Variants in DNMT3B observed in about 807,000 individuals in gnomAD.
The protein encoded by DNMT3B is DNA methyltransferase 3 beta, also known as DNA (cytosine-5)-methyltransferase 3B.
Under a neutral mutation model 120.2 loss-of-function variants are expected in DNMT3B, and 37 were observed. The ratio of observed to expected loss-of-function variants is 0.31; its 90% CI spans 0.24 to 0.40. The LOEUF (loss-of-function observed/expected upper bound fraction) is 0.40, where lower values mean the gene tolerates loss of function less well. DNMT3B is among the 10% of genes least tolerant of loss of function. The pLI, the probability that DNMT3B is intolerant of heterozygous loss-of-function variation, is 1.00. For synonymous variants in DNMT3B, 412 were observed against 442.8 expected (o/e 0.93, Z 0.87); for missense variants, 878 against 1,137.3 (o/e 0.77, Z 3.28).
At chr20:32,800,798 TCCACA>T (rs1568858342) in intron 17 of DNMT3B, 32 bp from the exon 18 acceptor site, 1 of 1,607,054 alleles carries the variant, frequency 6.2e-7, no homozygotes, top group South Asian at 1.1e-5. Context: ...TTTCCCTCTG[TCCACA>T]CCCTCATCCT....
intron 14 of DNMT3B, among the ~76,000 whole-genome samples, 166 bp from the exon 15 acceptor site, chr20:32,798,294 T>G (rs1980888050): frequency 6.6e-6 from 1 of 152,110 alleles, no homozygotes; most frequent in Non-Finnish European, 1.5e-5. Context: ...AAGGAAGACG[T>G]CAGGGAAGCC....
At chr20:32,800,074 A>C (rs1981138190) in intron 16 of DNMT3B, 79 bp from the exon 17 acceptor site, 2 of 1,590,372 alleles carry the variant, frequency 1.3e-6, no homozygotes, top group South Asian at 1.1e-5. Context: ...TGTTCATTTT[A>C]CCATAGCAGG....
rs545117209 is a variant in DNMT3B, at chr20:32,799,940, A to C, written c.1760-213A>C. Among the ~76,000 whole-genome samples, 4 of 152,368 alleles carry C rather than the reference A, an allele frequency of 2.6e-5. No individual in the cohort carries two copies. The East Asian group carries it at 7.7e-4, about 29-fold the overall frequency. ...TATAATTGGAGATAAACTAGTTAACAACTACTGCTACCTCTGGTTTTGGTT... is the reference window on the plus strand; with the variant it reads ...TATAATTGGAGATAAACTAGTTAACCACTACTGCTACCTCTGGTTTTGGTT... On this transcript the variant is annotated intron_variant, in intron 16 of 22. Transcript: ENST00000328111.
intron 16 of DNMT3B, 138 bp from the exon 17 acceptor site, chr20:32,800,015 G>A (rs543346570): frequency 3.5e-4 from 448 of 1,276,204 alleles, no homozygotes; most frequent in Non-Finnish European, 4.5e-4. Flanking sequence ...TGTGTGGTGC[G>A]TGTACAGCCT....
At chr20:32,786,476 C>T (rs771101384) in intron 4 of DNMT3B, 26 bp from the exon 5 acceptor site, 2 of 1,613,914 alleles carry the variant, frequency 1.2e-6, no homozygotes, top group Non-Finnish European at 1.7e-6. Context: ...ACCTAAGGCC[C>T]AGTGAGTGTC....
At chr20:32,763,036 G>A (rs1386209422) in intron 1 of DNMT3B, among the ~76,000 whole-genome samples, 1 of 152,104 alleles carries the variant, frequency 6.6e-6, no homozygotes, top group Non-Finnish European at 1.5e-5. Context: ...CTGGCTTCCC[G>A]GGGTCCAGAC....
intron 3 of DNMT3B, among the ~76,000 whole-genome samples, chr20:32,783,484 A>G (rs751090067): frequency 4.6e-5 from 7 of 151,346 alleles, no homozygotes; most frequent in Non-Finnish European, 7.4e-5. Context: ...GAGTTTGTCA[A>G]TTGGGTTGGT....
At position 32,787,425 on chromosome 20, in the gene DNMT3B, G is replaced by A; in HGVS notation, c.628G>A (p.Gly210Arg). 1 of 1,614,170 alleles carries A rather than the reference G, an allele frequency of 6.2e-7. No individual in the cohort carries two copies. The highest frequency in any genetic ancestry group is 8.5e-7 in the Non-Finnish European group (1 of 1,180,038). ...GTCCCCGCAGGTGGAGGCAGACAGT[G>A]GAGATGGAGACAGTTCAGAGTATCA... ...MESPQVEADS[G>R]DGDSSEYQDG... is the part of the protein sequence containing the mutation. Residue 210 changes from glycine (G) to arginine (R), a missense_variant, in exon 6 of 23, where the codon GGA (glycine) becomes AGA (arginine). Transcript: ENST00000328111.
At chr20:32,783,995 C>T (rs913050728) in intron 3 of DNMT3B, among the ~76,000 whole-genome samples, 2 of 151,756 alleles carry the variant, frequency 1.3e-5, no homozygotes, top group African/African-American at 4.8e-5. Context: ...GCTGTAACCT[C>T]CACCTCCCAG....
rs1204333705 is a variant in DNMT3B at position 32,762,656 on chromosome 20, C to G, written c.-50C>G. 8.8e-6 allele frequency: 2 copies of G among 227,274 alleles called. No homozygotes were observed. The highest frequency in any genetic ancestry group is 1.8e-5 in the Non-Finnish European group (2 of 113,312). The allele number at this position is 227,274 out of a possible 1,614,324, so 14.1% of individuals were successfully genotyped here. A position where few individuals can be genotyped will look rare whatever the true frequency, so the allele number is the denominator to read the frequency against. On this transcript the variant is annotated 5_prime_UTR_variant, in exon 1 of 23. Coordinates refer to ENST00000328111, the MANE Select transcript of DNMT3B (RefSeq NM_006892.4). ...GGCCTCCCGCCAGCCAGCCCCGACC[C>G]GCGGCTCCGCCGCCCAGCCGCGCCC...
chr20:32,800,111 C>G (rs1177973403), intron 16 of DNMT3B, 42 bp from the exon 17 acceptor site: 1 of 1,613,692 alleles, frequency 6.2e-7, no homozygotes, highest in Admixed American at 1.7e-5. Context: ...CTGCTGTGTG[C>G]TCAGCATCAT....
intron 5 of DNMT3B, 147 bp from the exon 6 acceptor site, chr20:32,787,083 C>T (rs1357770563): frequency 3.6e-5 from 33 of 928,328 alleles, no homozygotes; most frequent in Non-Finnish European, 5.6e-5. Context: ...ATACGTGTTC[C>T]TGGAAAAGTT....
At position 32,798,642 on chromosome 20, in the gene DNMT3B, A is replaced by C; in HGVS notation, c.1673A>C (p.Tyr558Ser). 6.2e-7 allele frequency: 1 copy of C among 1,613,672 alleles called. No individual in the cohort carries two copies. Reference sequence around the variant, plus strand: ...TTCACCAGTGACACGGGGCTTGAATATGTAAGCCACAGGCTCCCGCCTCTA... The same window carrying C: ...TTCACCAGTGACACGGGGCTTGAATCTGTAAGCCACAGGCTCCCGCCTCTA... Reference protein sequence around the residue: ...AFFTSDTGLEYEAPKLYPAIP... With the variant: ...AFFTSDTGLESEAPKLYPAIP... The change falls in exon 15 of 23, where the codon TAT becomes TCT. Residue 558 changes from tyrosine (Y) to serine (S), a missense_variant and splice_region_variant. Tyr to Ser is a moderately radical substitution (Grantham distance 144). Around this residue, in one of 4 missense-constraint regions of DNMT3B, gnomAD observed 334 missense variants for 518.8 expected, o/e 0.64. Coordinates refer to ENST00000328111, the MANE Select transcript of DNMT3B (RefSeq NM_006892.4).
chr20:32,786,421 G>A (rs1979287406), intron 4 of DNMT3B, 81 bp from the exon 5 acceptor site: 2 of 1,605,544 alleles, frequency 1.2e-6, no homozygotes, highest in Admixed American at 1.7e-5. Context: ...TTGGCCACCT[G>A]AAGGCCTAAT....
At chr20:32,765,817 G>A (rs35171367) in intron 1 of DNMT3B, among the ~76,000 whole-genome samples, 10 of 142,920 alleles carry the variant, frequency 7.0e-5, no homozygotes, top group Non-Finnish European at 1.3e-4. Context: ...GTGCAGTGGC[G>A]CGATCTCCGC....
In DNMT3B at chr20:32,795,689, T is replaced by C; in HGVS notation, c.1292T>C (p.Leu431Pro). The C allele has an allele frequency of 6.2e-7, 1 of 1,614,150 alleles. No individual in the cohort carries two copies. Among genetic ancestry groups the C allele is most frequent in the African/African-American group, 1.3e-5 (1 of 75,056 alleles). Residue 431 changes from leucine to proline, a missense_variant, in exon 12 of 23, where the codon CTG becomes CCG. Coordinates refer to ENST00000328111, the MANE Select transcript of DNMT3B (RefSeq NM_006892.4). ...ASDVANNKSS[L>P]EDGCLSCGRK... ...GATGTTGCCAACAACAAGAGCAGCC[T>C]GGAAGGTAACGTTCTCTCCCTCCCA...
chr20:32,797,605 CA>C (rs1980796639), intron 14 of DNMT3B, among the ~76,000 whole-genome samples: 1 of 152,076 alleles, frequency 6.6e-6, no homozygotes, highest in South Asian at 2.1e-4. Context: ...GCAATCCTCC[CA>C]CCTCAGCCTC....
At position 32,808,255 on chromosome 20, in the gene DNMT3B, A is replaced by G. The variant is rs551204821; in HGVS notation, c.*352A>G. Reference sequence around the variant, plus strand: ...ACAATGGCTAAGATACCAAAACCACAGTGCCGACAGCTCTCCAATACTCAG... The same window carrying G: ...ACAATGGCTAAGATACCAAAACCACGGTGCCGACAGCTCTCCAATACTCAG... On this transcript the variant is annotated 3_prime_UTR_variant, in exon 23 of 23. Coordinates refer to ENST00000328111, the MANE Select transcript of DNMT3B (RefSeq NM_006892.4). The G allele has an allele frequency of 1.7e-5, 7 of 404,264 alleles. No homozygotes were observed. Among genetic ancestry groups the G allele is most frequent in the South Asian group, 1.1e-4 (4 of 36,646 alleles). The allele number at this position is 404,264 out of a possible 1,614,324, so 25.0% of individuals were successfully genotyped here.
chr20:32,781,309 G>T (rs753624270), intron 2 of DNMT3B, 44 bp from the exon 3 acceptor site: 3 of 1,595,618 alleles, frequency 1.9e-6, no homozygotes, highest in Admixed American at 1.7e-5. Context: ...CCCCAGACTG[G>T]TGCCTGCCCC....
Sources: allele counts gnomAD v4.1 joint callset (sites outside exome capture counted in the v4.1 genomes callset), GRCh38; gene constraint gnomAD v4.1.1; regional missense constraint gnomAD v4.1.1; transcripts MANE v1.5; gene names NCBI Gene and HGNC (gene_info 2026-07-23, HGNC 2026-07-21).